ZNF609: variants seen among roughly 807,000 people sequenced by gnomAD.
The protein encoded by ZNF609 is zinc finger protein 609.
A neutral mutation model predicts 109.5 loss-of-function variants in ZNF609; 11 were observed. That is an observed-to-expected ratio of 0.10 (90% CI 0.06 to 0.17). The LOEUF (loss-of-function observed/expected upper bound fraction) is 0.17, where lower values mean the gene tolerates loss of function less well. ZNF609 is among the 10% of genes least tolerant of loss of function. The pLI, the probability that ZNF609 is intolerant of heterozygous loss-of-function variation, is 1.00. For missense variants in ZNF609, 1,559 were observed against 1,772.4 expected (o/e 0.88, Z 2.16); for synonymous variants, 646 against 662.0 (o/e 0.98, Z 0.37).
Position 64,500,311 on chromosome 15 carries a change from A to T in ZNF609, c.747+145A>T, listed in dbSNP as rs566409492. The T allele has an allele frequency of 1.0e-5, 12 of 1,152,990 alleles. No individual in the cohort carries two copies. In the African/African-American group the frequency reaches 1.7e-4, roughly 16 times the overall value. 71.4% of individuals were successfully genotyped at this position (1,152,990 alleles called of 1,614,324 possible). ...CAAGGTCAGAGCAGCTGGTAATGAT[A>T]ATGTGGTTTTCTTCCAAATTAGAGG... On this transcript the variant is annotated intron_variant, in intron 2 of 9. Coordinates refer to ENST00000326648, the MANE Select transcript of ZNF609 (RefSeq NM_015042.2).
chr15:64,566,470 G>A (rs1274843164), intron 2 of ZNF609, among the ~76,000 whole-genome samples: 2 of 152,228 alleles, frequency 1.3e-5, no homozygotes, highest in African/African-American at 4.8e-5. Flanking sequence ...GACACTCTGT[G>A]TAGGTAGGTA....
At chr15:64,473,915 C>A (rs557170188) in intron 1 of ZNF609, among the ~76,000 whole-genome samples, 1 of 152,010 alleles carries the variant, frequency 6.6e-6, no homozygotes, top group South Asian at 2.1e-4. Context: ...GCTGTGATTA[C>A]AGGCGCCTGT....
intron 4 of ZNF609, among the ~76,000 whole-genome samples, chr15:64,672,901 T>A (rs1475338340): frequency 6.6e-6 from 1 of 150,408 alleles, no homozygotes; most frequent in Non-Finnish European, 1.5e-5. Flanking sequence ...GAGTTGGAGG[T>A]TACAGTGAGC....
At chr15:64,620,938 C>T (rs1037379598) in intron 2 of ZNF609, among the ~76,000 whole-genome samples, 1 of 152,162 alleles carries the variant, frequency 6.6e-6, no homozygotes, top group African/African-American at 2.4e-5. Flanking sequence ...ATTCCAGAAT[C>T]AGAGTTTTGT....
intron 2 of ZNF609, among the ~76,000 whole-genome samples, chr15:64,508,636 C>G (rs1158794081): frequency 6.6e-6 from 1 of 151,758 alleles, no homozygotes; most frequent in East Asian, 1.9e-4. Flanking sequence ...GATCTCAGAC[C>G]TCCTCCCAGT....
chr15:64,476,962 A>G (rs1305705951), intron 1 of ZNF609, among the ~76,000 whole-genome samples: 1 of 151,948 alleles, frequency 6.6e-6, no homozygotes, highest in Admixed American at 6.6e-5. Flanking sequence ...CTAAAGCGTG[A>G]ATTTTCAGGT....
At chr15:64,658,030 A>G (rs775547673) in intron 3 of ZNF609, among the ~76,000 whole-genome samples, 1 of 152,186 alleles carries the variant, frequency 6.6e-6, no homozygotes, top group Non-Finnish European at 1.5e-5. Flanking sequence ...CTGCACTGGT[A>G]GAAGTGGCTT....
At chr15:64,464,238 G>A (rs572569950) in intron 1 of ZNF609, among the ~76,000 whole-genome samples, 1 of 152,296 alleles carries the variant, frequency 6.6e-6, no homozygotes, top group East Asian at 1.9e-4. Flanking sequence ...GCTCTGTCAA[G>A]TGGAAGTGCC....
chr15:64,657,592 G>A (rs768174004), intron 3 of ZNF609, among the ~76,000 whole-genome samples: 3 of 152,080 alleles, frequency 2.0e-5, no homozygotes, highest in Non-Finnish European at 2.9e-5. Context: ...CCAGCCTGGC[G>A]ACAGAGGGAG....
intron 2 of ZNF609, among the ~76,000 whole-genome samples, chr15:64,610,038 T>C (rs899849239): frequency 6.6e-6 from 1 of 150,642 alleles, no homozygotes; most frequent in African/African-American, 2.4e-5. Context: ...AATAAGGTTC[T>C]CAGTTTTTAA....
rs546348086 is a variant in ZNF609 at position 64,488,787 on chromosome 15, T to C, written c.-127-10506T>C. Among the ~76,000 whole-genome samples, 6 of 152,164 alleles carry C rather than the reference T, an allele frequency of 3.9e-5. No homozygotes were observed. In the South Asian group the frequency reaches 1.2e-3, roughly 32 times the overall value. On this transcript the variant is annotated intron_variant, in intron 1 of 9. Coordinates refer to ENST00000326648, the MANE Select transcript of ZNF609 (RefSeq NM_015042.2). ...TTCCCTGAGACTATGAATTTGACCA[T>C]GTTTAGAGATGAAGAACTAGGCGTG... is the stretch of plus-strand genomic sequence containing the variant.
chr15:64,575,678 A>T (rs902292035), intron 2 of ZNF609, among the ~76,000 whole-genome samples: 1 of 152,202 alleles, frequency 6.6e-6, no homozygotes, highest in Non-Finnish European at 1.5e-5. Flanking sequence ...GTATTTGTAT[A>T]TTTACAAAAA....
At chr15:64,634,625 C>T (rs1203097821) in intron 3 of ZNF609, among the ~76,000 whole-genome samples, 1 of 152,008 alleles carries the variant, frequency 6.6e-6, no homozygotes, top group Non-Finnish European at 1.5e-5. Flanking sequence ...TAATTAATGC[C>T]CCTTCACCTT....
chr15:64,640,092 G>GT, intron 3 of ZNF609, among the ~76,000 whole-genome samples: 1 of 151,386 alleles, frequency 6.6e-6, no homozygotes, highest in East Asian at 1.9e-4. Flanking sequence ...GCTAATTGTT[G>GT]TATTTTTTTT....
intron 1 of ZNF609, among the ~76,000 whole-genome samples, chr15:64,493,005 C>T (rs1893435584): frequency 6.6e-6 from 1 of 152,142 alleles, no homozygotes; most frequent in Non-Finnish European, 1.5e-5. Context: ...ATATAACTGT[C>T]ACATGCTCAG....
chr15:64,593,404 A>G, intron 2 of ZNF609: 1 of 743,874 alleles, frequency 1.3e-6, no homozygotes, highest in East Asian at 2.7e-5. Context: ...AAATAAATAA[A>G]TAAAAATAAT....
chr15:64,579,891 G>C (rs973150091), intron 2 of ZNF609, among the ~76,000 whole-genome samples: 3 of 152,134 alleles, frequency 2.0e-5, no homozygotes, highest in Non-Finnish European at 4.4e-5. Flanking sequence ...ACAGTCTTTT[G>C]TATTTACCTA....
intron 2 of ZNF609, among the ~76,000 whole-genome samples, chr15:64,561,225 T>G (rs1055102963): frequency 6.6e-6 from 1 of 152,206 alleles, no homozygotes; most frequent in Non-Finnish European, 1.5e-5. Context: ...TTATCTAACC[T>G]ATTACTTTGT....
At chr15:64,668,202 A>C (rs1896678233) in intron 3 of ZNF609, among the ~76,000 whole-genome samples, 2 of 152,244 alleles carry the variant, frequency 1.3e-5, no homozygotes, top group Admixed American at 6.5e-5. Flanking sequence ...TCTAATGTTA[A>C]GAAAGATAAC....
Sources: allele counts gnomAD v4.1 joint callset (sites outside exome capture counted in the v4.1 genomes callset), GRCh38; gene constraint gnomAD v4.1.1; transcripts MANE v1.5; gene names NCBI Gene and HGNC (gene_info 2026-07-23, HGNC 2026-07-21).